Variants in CAPZB observed in about 807,000 individuals in gnomAD.
CAPZB encodes the protein capping actin protein of muscle Z-line subunit beta, also known as F-actin-capping protein subunit beta.
CAPZB carries 2 observed loss-of-function variants against 38.1 expected under a neutral mutation model. That is an observed-to-expected ratio of 0.05 (90% CI 0.02 to 0.17). The LOEUF (loss-of-function observed/expected upper bound fraction) is 0.17, where lower values mean the gene tolerates loss of function less well. Ranked by LOEUF, CAPZB falls within the 10% of genes least tolerant of loss-of-function variation. The probability of loss-of-function intolerance (pLI) is 1.00; values close to 1 mark genes in which losing one functional copy is unlikely to be tolerated. For synonymous variants in CAPZB, 107 were observed against 127.4 expected (o/e 0.84, Z 1.08); for missense variants, 161 against 334.2 (o/e 0.48, Z 4.04).
At position 19,455,191 on chromosome 1, in the gene CAPZB, A is replaced by G. The variant is rs186004731; in HGVS notation, c.3+30245T>C. Among the ~76,000 whole-genome samples, 170 of 152,326 alleles carry G rather than the reference A, an allele frequency of 1.1e-3. 4 individuals carry two copies. In the East Asian group the frequency reaches 0.03, roughly 26 times the overall value. ...GGAGCAGGCAAGGGTTCCTGGGTTA[A>G]GGGGAAACAAAGGGGTCCATCTAAA... is the stretch of plus-strand genomic sequence containing the variant. On this transcript the variant is annotated intron_variant, in intron 1 of 8. Transcript: ENST00000264202.
intron 6 of CAPZB, among the ~76,000 whole-genome samples, chr1:19,345,486 G>T (rs2093955386): frequency 6.6e-6 from 1 of 152,240 alleles, no homozygotes; most frequent in African/African-American, 2.4e-5. Flanking sequence ...CAAGGGAGAA[G>T]ATTTTGCTGC....
chr1:19,344,878 A>G (rs1014920176), intron 7 of CAPZB, among the ~76,000 whole-genome samples: 2 of 152,218 alleles, frequency 1.3e-5, no homozygotes, highest in African/African-American at 4.8e-5. Context: ...CTCCCAGCGC[A>G]GGGCCCTGTT....
chr1:19,469,741 T>TACATAC (rs1553294634), intron 1 of CAPZB, among the ~76,000 whole-genome samples: 7 of 136,620 alleles, frequency 5.1e-5, no homozygotes, highest in Non-Finnish European at 9.4e-5. Context: ...AGGAAAAGAA[T>TACATAC]ACACACACAC....
At chr1:19,415,169 T>C (rs1293207647) in intron 2 of CAPZB, among the ~76,000 whole-genome samples, 1 of 152,256 alleles carries the variant, frequency 6.6e-6, no homozygotes, top group African/African-American at 2.4e-5. Flanking sequence ...TGGGGAATGC[T>C]GGCAAATCCT....
intron 1 of CAPZB, among the ~76,000 whole-genome samples, chr1:19,440,239 T>C (rs558612945): frequency 1.2e-4 from 18 of 152,242 alleles, no homozygotes; most frequent in African/African-American, 4.3e-4. Context: ...GGTTTCACCA[T>C]GTTACCCGGG....
At chr1:19,419,791 A>C in intron 1 of CAPZB, 41 bp from the exon 2 acceptor site, 1 of 1,177,774 alleles carries the variant, frequency 8.5e-7, no homozygotes. Context: ...CATTTTTGCC[A>C]GAAGGAATAT....
rs767568613 is a variant in CAPZB at position 19,339,433 on chromosome 1, G to C, written c.*97C>G. Reference sequence around the variant, plus strand: ...TGATGCAGCTGTTATGTGACCTGTCGGGGAGGGAAGGGACGAGGGAAGGGA... The same window carrying C: ...TGATGCAGCTGTTATGTGACCTGTCCGGGAGGGAAGGGACGAGGGAAGGGA... On this transcript the variant is annotated 3_prime_UTR_variant, in exon 9 of 9. Transcript: ENST00000264202. 1.1e-6 allele frequency: 1 copy of C among 878,476 alleles called. No individual in the cohort carries two copies. The highest frequency in any genetic ancestry group is 2.0e-6 in the Non-Finnish European group (1 of 512,418). The allele number at this position is 878,476 out of a possible 1,614,324, so 54.4% of individuals were successfully genotyped here. A position where few individuals can be genotyped will look rare whatever the true frequency, so the allele number is the denominator to read the frequency against.
intron 1 of CAPZB, among the ~76,000 whole-genome samples, chr1:19,423,541 T>A (rs3105022): frequency 7.2e-5 from 9 of 124,600 alleles, no homozygotes; most frequent in Admixed American, 1.5e-4. Context: ...TTTTTTTTTT[T>A]AAAGATAGGC....
At chr1:19,366,296 AT>A (rs1446334091) in intron 4 of CAPZB, among the ~76,000 whole-genome samples, 2 of 114,254 alleles carry the variant, frequency 1.8e-5, no homozygotes, top group African/African-American at 7.7e-5. Context: ...ATATATATAT[AT>A]ATATATATAT....
intron 1 of CAPZB, among the ~76,000 whole-genome samples, chr1:19,450,415 G>C (rs558551639): frequency 1.3e-4 from 20 of 152,248 alleles, no homozygotes; most frequent in African/African-American, 4.3e-4. Flanking sequence ...ACAAAGTTTT[G>C]GGTTTTGGAG....
intron 1 of CAPZB, among the ~76,000 whole-genome samples, chr1:19,471,833 T>C (rs1198343317): frequency 8.6e-6 from 1 of 116,766 alleles, no homozygotes; most frequent in African/African-American, 3.3e-5. Context: ...TCCACTGCAC[T>C]CCAGCCTGGG....
rs543610582 is a variant in CAPZB at position 19,354,343 on chromosome 1, C to T, written c.588+2292G>A. Among the ~76,000 whole-genome samples, 3 of 152,284 alleles carry T rather than the reference C, an allele frequency of 2.0e-5. No individual in the cohort carries two copies. The South Asian group carries it at 6.2e-4, about 32-fold the overall frequency. ...GTTTTTCCAAGGCTCCTCTGGGACC[C>T]GTAGCCAAGCTCTGCAACCCTCACT... On this transcript the variant is annotated intron_variant, in intron 6 of 8. Transcript: ENST00000264202.
intron 4 of CAPZB, among the ~76,000 whole-genome samples, chr1:19,361,954 A>G (rs2094055041): frequency 6.6e-6 from 1 of 152,214 alleles, no homozygotes; most frequent in African/African-American, 2.4e-5. Flanking sequence ...TTGTACTTCC[A>G]TGTGAGTGAA....
chr1:19,463,219 T>C (rs1031710402), intron 1 of CAPZB, among the ~76,000 whole-genome samples: 9 of 152,172 alleles, frequency 5.9e-5, no homozygotes, highest in African/African-American at 9.7e-5. Flanking sequence ...TACAGGGCAA[T>C]GTCTGGGGTC....
intron 1 of CAPZB, among the ~76,000 whole-genome samples, chr1:19,436,765 T>C (rs771471570): frequency 6.6e-5 from 10 of 151,952 alleles, no homozygotes; most frequent in Admixed American, 1.3e-4. Flanking sequence ...ACCTGGGACA[T>C]AGTCACTGCT....
At chr1:19,358,660 A>G (rs1348235946) in intron 4 of CAPZB, among the ~76,000 whole-genome samples, 1 of 152,236 alleles carries the variant, frequency 6.6e-6, no homozygotes, top group Non-Finnish European at 1.5e-5. Flanking sequence ...AACAAAAACT[A>G]TGCGAAATCT....
intron 2 of CAPZB, among the ~76,000 whole-genome samples, chr1:19,408,328 T>C (rs2094342330): frequency 6.6e-6 from 1 of 152,238 alleles, no homozygotes; most frequent in Admixed American, 6.5e-5. Flanking sequence ...ATCTGCAGTT[T>C]ACACGCACCC....
intron 1 of CAPZB, among the ~76,000 whole-genome samples, chr1:19,447,272 CTTTTTTT>C (rs35692222): frequency 4.4e-4 from 33 of 74,890 alleles, no homozygotes; most frequent in African/African-American, 1.7e-3. Context: ...CAGACCTAAT[CTTTTTTT>C]TTTTTTTTTT....
intron 4 of CAPZB, among the ~76,000 whole-genome samples, chr1:19,363,677 G>A (rs2094066810): frequency 6.6e-6 from 1 of 152,178 alleles, no homozygotes; most frequent in Admixed American, 6.5e-5. Context: ...TGCGTGGGGT[G>A]GAAACGTGCT....
Sources: gnomAD v4.1 joint callset for allele counts (sites outside exome capture counted in the v4.1 genomes callset) on GRCh38, gnomAD v4.1.1 for gene constraint, MANE v1.5 for transcripts, NCBI Gene and HGNC (gene_info 2026-07-23, HGNC 2026-07-21) for gene names.